Variants in KIDINS220 observed in about 807,000 individuals in gnomAD.
KIDINS220 encodes kinase D-interacting substrate of 220 kDa.
A neutral mutation model predicts 157.6 loss-of-function variants in KIDINS220; 63 were observed. The ratio of observed to expected loss-of-function variants is 0.40; its 90% CI spans 0.33 to 0.49. KIDINS220 has a LOEUF of 0.49. KIDINS220 is among the 20% of genes least tolerant of loss of function. The probability of loss-of-function intolerance (pLI) is 0.66; values close to 1 mark genes in which losing one functional copy is unlikely to be tolerated. For missense variants in KIDINS220, 1,772 were observed against 2,171.2 expected, an observed-to-expected ratio of 0.82 and a Z score of 3.65; for synonymous variants, 732 against 783.6, an observed-to-expected ratio of 0.93 and a Z score of 1.10.
At chr2:8,760,482 T>G (rs1455998737) in intron 22 of KIDINS220, among the ~76,000 whole-genome samples, 1 of 152,206 alleles carries the variant, frequency 6.6e-6, no homozygotes, top group Non-Finnish European at 1.5e-5. Flanking sequence ...TATTGGTGAT[T>G]CACCTATAAA....
intron 26 of KIDINS220, among the ~76,000 whole-genome samples, chr2:8,743,066 C>T (rs1340753842): frequency 2.0e-5 from 3 of 152,178 alleles, no homozygotes; most frequent in Admixed American, 2.0e-4. Flanking sequence ...AGGTCCTTTG[C>T]TTCACTGGGG....
chr2:8,808,235 G>A (rs1675783472), intron 6 of KIDINS220, among the ~76,000 whole-genome samples: 1 of 152,142 alleles, frequency 6.6e-6, no homozygotes, highest in Non-Finnish European at 1.5e-5. Context: ...CTCTTTTGCG[G>A]ATAATACTTA....
At chr2:8,796,935 T>C (rs531675276) in intron 10 of KIDINS220, 66 bp from the exon 11 acceptor site, 1 of 1,126,274 alleles carries the variant, frequency 8.9e-7, no homozygotes, top group African/African-American at 1.5e-5. Flanking sequence ...GTCATACAAA[T>C]GCACATGTCA....
At chr2:8,821,379 T>A (rs778248528) in intron 2 of KIDINS220, among the ~76,000 whole-genome samples, 3 of 151,572 alleles carry the variant, frequency 2.0e-5, no homozygotes, top group Non-Finnish European at 4.4e-5. Context: ...CAGCCTCACT[T>A]GCAGCTGGAA....
At chr2:8,832,014 C>T (rs945016835) in intron 1 of KIDINS220, among the ~76,000 whole-genome samples, 6 of 152,186 alleles carry the variant, frequency 3.9e-5, no homozygotes, top group Non-Finnish European at 7.3e-5. Flanking sequence ...TACTCCATAC[C>T]TCTTGCCTTT....
At chr2:8,824,576 G>A (rs995034472) in intron 2 of KIDINS220, among the ~76,000 whole-genome samples, 2 of 152,038 alleles carry the variant, frequency 1.3e-5, no homozygotes, top group African/African-American at 4.8e-5. Flanking sequence ...GCTACTTGGA[G>A]GGCTGAAGCA....
At chr2:8,726,742 CATG>C, downstream of KIDINS220, 1 of 392,490 alleles carries the variant, frequency 2.5e-6, no homozygotes, top group East Asian at 7.2e-5. Flanking sequence ...ATGCTATCTG[CATG>C]TCTAAACATA....
intron 2 of KIDINS220, among the ~76,000 whole-genome samples, chr2:8,819,090 C>T (rs917951563): frequency 6.6e-6 from 1 of 152,054 alleles, no homozygotes; most frequent in African/African-American, 2.4e-5. Context: ...AATGCAATTA[C>T]TGAAATATAC....
intron 2 of KIDINS220, among the ~76,000 whole-genome samples, chr2:8,824,070 A>G (rs928710492): frequency 9.9e-5 from 15 of 152,140 alleles, no homozygotes; most frequent in Admixed American, 9.2e-4. Context: ...TATCTTAGAT[A>G]GGAAACTGAG....
chr2:8,777,325 G>T lies in KIDINS220; in HGVS notation c.2704-433C>A, dbSNP rs79948669. On this transcript the variant is annotated intron_variant, in intron 20 of 29. Transcript: ENST00000256707. ...TAGGTTATTATTATTGTTAGACAGG[G>T]TCTCTCTCTGCCACCCAGGCTGGAG... Among the ~76,000 whole-genome samples, 190 of 152,242 alleles carry T rather than the reference G, an allele frequency of 1.2e-3. 3 individuals are homozygous for T. The East Asian group carries it at 0.032, about 26-fold the overall frequency.
Position 8,736,580 on chromosome 2 carries a change from C to T in KIDINS220, c.3717+288G>A, listed in dbSNP as rs75077964. On this transcript the variant is annotated intron_variant, in intron 27 of 29. Transcript: ENST00000256707. ...GTTCTGTTTATCCCAATGGGAATCCCTCAGAGCTTTCTCTTTCTCATCAAG... is the reference window on the plus strand; with the variant it reads ...GTTCTGTTTATCCCAATGGGAATCCTTCAGAGCTTTCTCTTTCTCATCAAG... 9.5e-3 allele frequency among the ~76,000 whole-genome samples: 1,451 copies of T among 152,330 alleles called. 31 individuals are homozygous for T. Among genetic ancestry groups the T allele is most frequent in the African/African-American group, 0.033 (1,391 of 41,576 alleles).
intron 25 of KIDINS220, 47 bp downstream of exon 25, chr2:8,747,838 CTA>C (rs1440805649): frequency 1.7e-6 from 2 of 1,190,376 alleles, no homozygotes; most frequent in African/African-American, 1.6e-5. Flanking sequence ...CAAATGCTAT[CTA>C]TGTTTATTAT....
In KIDINS220 at chr2:8,806,372, A is replaced by T. The variant is rs1377330379; in HGVS notation, c.505-3T>A. Reference sequence around the variant, plus strand: ...CAAACTAAAGGGGTGGTTCCATACTATTAAAACAAACAATAAATTTAAAAT... The same window carrying T: ...CAAACTAAAGGGGTGGTTCCATACTTTTAAAACAAACAATAAATTTAAAAT... On this transcript the variant is annotated splice_polypyrimidine_tract_variant and splice_region_variant and intron_variant, in intron 6 of 29. Coordinates refer to ENST00000256707, the MANE Select transcript of KIDINS220 (RefSeq NM_020738.4). 2 of 1,544,896 alleles carry T rather than the reference A, an allele frequency of 1.3e-6. No individual in the cohort carries two copies. The highest frequency in any genetic ancestry group is 2.5e-5 in the South Asian group (2 of 78,818).
Position 8,781,144 on chromosome 2 carries a change from TATATATATA to T in KIDINS220, c.2230-1339_2230-1331del, listed in dbSNP as rs1285707721. Among the ~76,000 whole-genome samples the T allele has an allele frequency of 7.1e-3, 37 of 5,176 alleles. No homozygotes were observed. The South Asian group carries it at 0.13, about 18-fold the overall frequency. 3.4% of individuals were successfully genotyped at this position (5,176 alleles called of 152,430 possible). A position where few individuals can be genotyped will look rare whatever the true frequency, so the allele number is the denominator to read the frequency against. The stretch of plus-strand genomic sequence containing the variant: ...GGGGGAGTAACTATATTAATTATTA[TATATATATA>T]ATATATATATATTAAAGGGGGGCAT... On this transcript the variant is annotated intron_variant, in intron 17 of 29. Coordinates refer to ENST00000256707, the MANE Select transcript of KIDINS220 (RefSeq NM_020738.4).
intron 4 of KIDINS220, among the ~76,000 whole-genome samples, chr2:8,814,841 G>A (rs1323688367): frequency 6.6e-6 from 1 of 152,154 alleles, no homozygotes; most frequent in Middle Eastern, 3.2e-3. Context: ...CCCCTAGGGG[G>A]TACACCAAGA....
At chr2:8,751,867 G>T (rs575518091) in intron 22 of KIDINS220, among the ~76,000 whole-genome samples, 1 of 152,008 alleles carries the variant, frequency 6.6e-6, no homozygotes, top group African/African-American at 2.4e-5. Context: ...ACCATGCCCA[G>T]CTAATTTTTG....
At chr2:8,800,555 CT>C (rs927255431) in intron 8 of KIDINS220, 57 bp from the exon 9 acceptor site, 1 of 1,176,984 alleles carries the variant, frequency 8.5e-7, no homozygotes, top group African/African-American at 1.5e-5. Context: ...AATAAGCACT[CT>C]TTTTAAGTTA....
intron 27 of KIDINS220, 109 bp downstream of exon 27, chr2:8,736,759 A>C: frequency 1.7e-6 from 2 of 1,186,696 alleles, no homozygotes; most frequent in Non-Finnish European, 2.3e-6. Context: ...TTCCCATTTT[A>C]ACAGGGAATG....
Position 8,773,531 on chromosome 2 carries a change from G to A in KIDINS220, c.2849-2699C>T, listed in dbSNP as rs1391402280. Among the ~76,000 whole-genome samples, 3 of 151,496 alleles carry A rather than the reference G, an allele frequency of 2.0e-5. No homozygotes were observed. In the East Asian group the frequency reaches 5.8e-4, roughly 29 times the overall value. On this transcript the variant is annotated intron_variant, in intron 21 of 29. Transcript: ENST00000256707. The stretch of plus-strand genomic sequence containing the variant: ...TCTGTCACTCAGGCTGGAGCGCAGT[G>A]GCACAATCTCAGCTCACTGCAAACT...
Sources: allele counts gnomAD v4.1 joint callset (sites outside exome capture counted in the v4.1 genomes callset), GRCh38; gene constraint gnomAD v4.1.1; transcripts MANE v1.5; gene names NCBI Gene and HGNC (gene_info 2026-07-23, HGNC 2026-07-21).